The following EDARADD variants were observed in gnomAD, a reference collection of about 807,000 sequenced individuals.
EDARADD encodes EDAR associated via death domain.
A neutral mutation model predicts 25.6 loss-of-function variants in EDARADD; 20 were observed. The observed-to-expected ratio is 0.78, with a 90% confidence interval of 0.55 to 1.14. EDARADD has a LOEUF of 1.14. Among genes scored for constraint, EDARADD ranks in the 50% most tolerant of loss-of-function variants. The pLI is 0.00. For missense variants in EDARADD, 225 were observed against 270.1 expected, an observed-to-expected ratio of 0.83 and a Z score of 1.17; for synonymous variants, 86 against 94.4, an observed-to-expected ratio of 0.91 and a Z score of 0.52.
intron 1 of EDARADD, among the ~76,000 whole-genome samples, chr1:236,397,589 C>T (rs868577309): frequency 2.7e-4 from 41 of 152,042 alleles, no homozygotes; most frequent in African/African-American, 8.7e-4. Context: ...GATAAGAGGG[C>T]GTCATGTGGA....
upstream of EDARADD, among the ~76,000 whole-genome samples, chr1:236,390,959 A>ATTATTATTATTATTT (rs771278248): frequency 4.7e-4 from 71 of 150,924 alleles, no homozygotes; most frequent in East Asian, 2.3e-3. Flanking sequence ...TATTATTATT[A>ATTATTATTATTATTT]TTTTTTGAGA....
intron 3 of EDARADD, among the ~76,000 whole-genome samples, chr1:236,369,964 C>A (rs1667156906): frequency 6.6e-6 from 1 of 152,206 alleles, no homozygotes; most frequent in Non-Finnish European, 1.5e-5. Flanking sequence ...AGTGCTGGGT[C>A]TAAGGGATAA....
intron 1 of EDARADD, among the ~76,000 whole-genome samples, chr1:236,400,361 G>A (rs1005584354): frequency 6.6e-6 from 1 of 152,064 alleles, no homozygotes; most frequent in Non-Finnish European, 1.5e-5. Flanking sequence ...CTGTAGGGAT[G>A]TACTTCTGTG....
intron 4 of EDARADD, among the ~76,000 whole-genome samples, chr1:236,464,393 A>T (rs1042086255): frequency 6.7e-5 from 10 of 148,338 alleles, no homozygotes; most frequent in African/African-American, 2.0e-4. Flanking sequence ...GATTACAGGC[A>T]CAAGCCACCA....
At chr1:236,440,278 G>A (rs1448684488) in intron 4 of EDARADD, among the ~76,000 whole-genome samples, 3 of 152,120 alleles carry the variant, frequency 2.0e-5, no homozygotes, top group Non-Finnish European at 2.9e-5. Context: ...TAGCTTTCCA[G>A]TAAGTCTTAA....
intron 5 of EDARADD, among the ~76,000 whole-genome samples, chr1:236,477,857 C>T (rs1299506587): frequency 6.6e-6 from 1 of 152,150 alleles, no homozygotes; most frequent in African/African-American, 2.4e-5. Context: ...AATCTCAGCA[C>T]ATTGGGAGGC....
chr1:236,455,751 G>A (rs1440399951), intron 4 of EDARADD, among the ~76,000 whole-genome samples: 1 of 152,198 alleles, frequency 6.6e-6, no homozygotes, highest in African/African-American at 2.4e-5. Flanking sequence ...AAAGAAGGGA[G>A]AGGAAATCTC....
chr1:236,424,343 G>C (rs957878470), intron 3 of EDARADD, among the ~76,000 whole-genome samples: 1 of 151,606 alleles, frequency 6.6e-6, no homozygotes, highest in African/African-American at 2.4e-5. Flanking sequence ...TAAACTTTTT[G>C]TAGAGATAGG....
intron 3 of EDARADD, among the ~76,000 whole-genome samples, chr1:236,360,537 G>T (rs1045849355): frequency 3.4e-4 from 45 of 131,276 alleles, no homozygotes; most frequent in Non-Finnish European, 6.5e-4. Context: ...TTAATTCACG[G>T]TTTTTTTTTT....
rs1336792837 is a variant in EDARADD at position 236,395,840 on chromosome 1, C to G, written c.61+1335C>G. 6.6e-6 allele frequency among the ~76,000 whole-genome samples: 1 copy of G among 151,668 alleles called. No individual in the cohort carries two copies. The highest frequency in any genetic ancestry group is 2.4e-5 in the African/African-American group (1 of 41,348). On this transcript the variant is annotated intron_variant, in intron 1 of 5. Coordinates refer to ENST00000334232, the MANE Select transcript of EDARADD (RefSeq NM_145861.4). This position sits in a 1 kb window ranked among gnomAD's most constrained non-coding sequence, Gnocchi z 6.9. The stretch of plus-strand genomic sequence containing the variant: ...GAGTCGCACGGGGCTCCCAGTCCAG[C>G]CCCGCGAGCGGCTGCTGACCGCCCC...
At chr1:236,475,473 A>G (rs1486871970) in intron 5 of EDARADD, among the ~76,000 whole-genome samples, 4 of 152,122 alleles carry the variant, frequency 2.6e-5, no homozygotes, top group African/African-American at 9.7e-5. Context: ...TGTTATTGAA[A>G]ACACACACAG....
chr1:236,356,573 G>C (rs948540180), intron 3 of EDARADD, among the ~76,000 whole-genome samples: 1 of 151,998 alleles, frequency 6.6e-6, no homozygotes, highest in African/African-American at 2.4e-5. Flanking sequence ...TTTTAACTGT[G>C]CTAACATTTG....
chr1:236,364,105 T>C (rs1178490973), intron 3 of EDARADD, among the ~76,000 whole-genome samples: 1 of 151,910 alleles, frequency 6.6e-6, no homozygotes, highest in African/African-American at 2.4e-5. Flanking sequence ...TGAGCCAAGA[T>C]TGCACCACTG....
At chr1:236,377,067 A>G (rs1398903556) in intron 3 of EDARADD, among the ~76,000 whole-genome samples, 2 of 150,214 alleles carry the variant, frequency 1.3e-5, no homozygotes, top group Non-Finnish European at 3.0e-5. Flanking sequence ...TACATTGCCC[A>G]TTTGCTCTTT....
At position 236,478,277 on chromosome 1, in the gene EDARADD, G is replaced by A. The variant is rs148783283; in HGVS notation, c.266-3990G>A. Among the ~76,000 whole-genome samples, 1,094 of 151,758 alleles carry A rather than the reference G, an allele frequency of 7.2e-3. 20 individuals carry two copies. Among genetic ancestry groups the A allele is most frequent in the African/African-American group, 0.025 (1,045 of 41,346 alleles). On this transcript the variant is annotated intron_variant, in intron 5 of 5. Coordinates refer to ENST00000334232, the MANE Select transcript of EDARADD (RefSeq NM_145861.4). Reference sequence around the variant, plus strand: ...GATGTGGCCCCAATTTATGTGAAAGGTATGCATCACATCTTCACTCATAAT... The same window carrying A: ...GATGTGGCCCCAATTTATGTGAAAGATATGCATCACATCTTCACTCATAAT...
At position 236,385,035 on chromosome 1, in the gene EDARADD, T is replaced by C. The variant is rs1572118896; in HGVS notation, c.-5-24181T>C. Among the ~76,000 whole-genome samples, 3 of 151,890 alleles carry C rather than the reference T, an allele frequency of 2.0e-5. No homozygotes were observed. In the South Asian group the frequency reaches 6.2e-4, roughly 32 times the overall value. On this transcript the variant is annotated intron_variant, in intron 3 of 7. Transcript: ENST00000439430. The stretch of plus-strand genomic sequence containing the variant: ...ACTTCTCTTGTCTTGCTGCAGATAA[T>C]TTAAATTTGTATCTGGTTGGGTTTA...
intron 3 of EDARADD, among the ~76,000 whole-genome samples, chr1:236,421,738 C>T (rs1033822038): frequency 1.3e-5 from 2 of 152,036 alleles, no homozygotes; most frequent in African/African-American, 4.8e-5. Context: ...CTCCTGACCT[C>T]AGGTGATCTA....
At chr1:236,371,608 C>T (rs559630308) in intron 3 of EDARADD, among the ~76,000 whole-genome samples, 6 of 144,268 alleles carry the variant, frequency 4.2e-5, no homozygotes, top group South Asian at 2.2e-4. Flanking sequence ...TTGCTCTTGT[C>T]GCTCAGACTG....
At chr1:236,370,923 GTTAGTTCAGCCTACACCCAGGA>G (rs1379440236) in intron 3 of EDARADD, among the ~76,000 whole-genome samples, 1 of 152,208 alleles carries the variant, frequency 6.6e-6, no homozygotes, top group Non-Finnish European at 1.5e-5. Context: ...TTCTTTCAAA[GTTAGTTCAGCCTACACCCAGGA>G]ATAAAGAAGG....
Sources: allele counts gnomAD v4.1 joint callset (sites outside exome capture counted in the v4.1 genomes callset), GRCh38; gene constraint gnomAD v4.1.1; non-coding constraint Gnocchi (gnomAD v3.1); transcripts MANE v1.5; gene names NCBI Gene and HGNC (gene_info 2026-07-23, HGNC 2026-07-21).